Variants in MAPK10 observed in about 807,000 individuals in gnomAD.
MAPK10 encodes mitogen-activated protein kinase 10.
In MAPK10, 25 loss-of-function variants were observed where a neutral mutation model predicts 59.3. The observed-to-expected ratio is 0.42, with a 90% CI of 0.31 to 0.59. The LOEUF (loss-of-function observed/expected upper bound fraction) is 0.59, where lower values mean the gene tolerates loss of function less well. Ranked by LOEUF, MAPK10 falls within the 20% of genes least tolerant of loss-of-function variation. The pLI is 0.15. For missense variants in MAPK10, 351 were observed against 568.9 expected (o/e 0.62, Z 3.90); for synonymous variants, 190 against 200.5 (o/e 0.95, Z 0.44).
At chr4:86,533,699 G>A (rs539468326) in intron 1 of MAPK10, among the ~76,000 whole-genome samples, 85 of 152,300 alleles carry the variant, frequency 5.6e-4, no homozygotes, top group African/African-American at 1.8e-3. Context: ...GTACCACTTT[G>A]TAGCCTGATT....
chr4:86,075,954 T>C (rs2049269367), intron 9 of MAPK10, among the ~76,000 whole-genome samples: 1 of 152,040 alleles, frequency 6.6e-6, no homozygotes, highest in South Asian at 2.1e-4. Flanking sequence ...TTTGTTTACC[T>C]AAGCAAGCCT....
intron 1 of MAPK10, among the ~76,000 whole-genome samples, chr4:86,440,392 T>A (rs891175126): frequency 6.6e-6 from 1 of 152,154 alleles, no homozygotes; most frequent in Admixed American, 6.5e-5. Flanking sequence ...CCCAGCACTT[T>A]GGGAGGATGA....
chr4:86,474,819 C>A (rs1752939301), intron 1 of MAPK10, among the ~76,000 whole-genome samples: 1 of 152,186 alleles, frequency 6.6e-6, no homozygotes, highest in African/African-American at 2.4e-5. Context: ...CTGTGACCTG[C>A]ACATATACAT....
At chr4:86,188,133 TTATC>T (rs2078739524) in intron 3 of MAPK10, among the ~76,000 whole-genome samples, 1 of 152,206 alleles carries the variant, frequency 6.6e-6, no homozygotes, top group South Asian at 2.1e-4. Flanking sequence ...CATATTTTCT[TTATC>T]TAGTCTATTA....
At chr4:86,577,474 T>A (rs1179774989) in intron 1 of MAPK10, among the ~76,000 whole-genome samples, 1 of 152,148 alleles carries the variant, frequency 6.6e-6, no homozygotes. Flanking sequence ...ATGACATCTA[T>A]GCAGCAGGCC....
chr4:86,216,122 T>C (rs2087489939), intron 2 of MAPK10, among the ~76,000 whole-genome samples: 1 of 151,938 alleles, frequency 6.6e-6, no homozygotes. Flanking sequence ...CCTGGTTATA[T>C]GCCCAAAAGA....
intron 2 of MAPK10, among the ~76,000 whole-genome samples, chr4:86,198,162 G>T (rs984662813): frequency 2.6e-5 from 4 of 152,132 alleles, no homozygotes; most frequent in African/African-American, 7.2e-5. Flanking sequence ...ATCTTGCTAA[G>T]GATGATTATA....
chr4:86,525,641 A>G (rs1197477190), intron 1 of MAPK10, among the ~76,000 whole-genome samples: 2 of 152,204 alleles, frequency 1.3e-5, no homozygotes, highest in African/African-American at 4.8e-5. Context: ...AGGTTGTACA[A>G]TATAAACACA....
chr4:86,546,572 A>AG (rs397994374), intron 1 of MAPK10, among the ~76,000 whole-genome samples: 2 of 148,232 alleles, frequency 1.3e-5, no homozygotes, highest in Non-Finnish European at 3.0e-5. Flanking sequence ...AAAAAAAAAA[A>AG]GAAGAAAGAA....
intron 4 of MAPK10, among the ~76,000 whole-genome samples, chr4:86,142,452 G>A (rs1218392685): frequency 2.0e-5 from 3 of 152,062 alleles, no homozygotes; most frequent in Admixed American, 6.5e-5. Flanking sequence ...ATTCAATGAA[G>A]GTTTTTTTTT....
At chr4:86,194,141 G>A (rs891551058) in intron 3 of MAPK10, 195 bp downstream of exon 3, 21 of 557,624 alleles carry the variant, frequency 3.8e-5, no homozygotes, top group African/African-American at 2.5e-4. Flanking sequence ...GAAATCACTC[G>A]TCTTCTGCGT....
chr4:86,372,660 C>T (rs1442449452), intron 1 of MAPK10, among the ~76,000 whole-genome samples: 2 of 152,150 alleles, frequency 1.3e-5, no homozygotes, highest in African/African-American at 4.8e-5. Flanking sequence ...TCCTGAATGA[C>T]TACTGGGTAA....
At chr4:86,410,841 A>C (rs533585886) in intron 1 of MAPK10, among the ~76,000 whole-genome samples, 1 of 151,912 alleles carries the variant, frequency 6.6e-6, no homozygotes, top group East Asian at 1.9e-4. Context: ...AGATCTTTTC[A>C]AAATCCAGCT....
chr4:86,288,459 C>T (rs1471611828), intron 2 of MAPK10, among the ~76,000 whole-genome samples: 1 of 151,828 alleles, frequency 6.6e-6, no homozygotes, highest in Non-Finnish European at 1.5e-5. Flanking sequence ...TCAGATGCTT[C>T]CTGAATGTCA....
chr4:86,325,497 T>G (rs1421590586), intron 2 of MAPK10, among the ~76,000 whole-genome samples: 1 of 152,246 alleles, frequency 6.6e-6, no homozygotes, highest in African/African-American at 2.4e-5. Context: ...TTTCATTTAT[T>G]GAATTAACAT....
chr4:86,340,044 C>A (rs1723966495), intron 2 of MAPK10, among the ~76,000 whole-genome samples: 1 of 152,162 alleles, frequency 6.6e-6, no homozygotes, highest in Admixed American at 6.6e-5. Flanking sequence ...CAGAATCAAG[C>A]TCTTAACTAC....
At chr4:86,195,120 A>T (rs1352288493) in intron 2 of MAPK10, among the ~76,000 whole-genome samples, 1 of 152,212 alleles carries the variant, frequency 6.6e-6, no homozygotes, top group Non-Finnish European at 1.5e-5. Flanking sequence ...AAGTTTGCAC[A>T]GTTTTAAGAG....
upstream of MAPK10, among the ~76,000 whole-genome samples, chr4:86,457,314 A>G (rs1434111880): frequency 6.6e-6 from 1 of 152,218 alleles, no homozygotes; most frequent in East Asian, 1.9e-4. Flanking sequence ...CAGAGCAACC[A>G]GACAAGAGAA....
intron 13 of MAPK10, chr4:86,023,816 T>TATATATATATATATAC (rs1748683154): frequency 6.3e-5 from 1 of 15,754 alleles, no homozygotes; most frequent in African/African-American, 1.5e-4. Context: ...CAAATGAATA[T>TATATATATATATATAC]ATATATATAT....
Sources: allele counts gnomAD v4.1 joint callset (sites outside exome capture counted in the v4.1 genomes callset), GRCh38; gene constraint gnomAD v4.1.1; transcripts MANE v1.5; gene names NCBI Gene and HGNC (gene_info 2026-07-23, HGNC 2026-07-21).